CNKSR2: variants seen among roughly 807,000 people sequenced by gnomAD.
The protein encoded by CNKSR2 is connector enhancer of kinase suppressor of Ras 2.
CNKSR2 carries 14 observed loss-of-function variants against 84.4 expected under a neutral mutation model. That is an observed-to-expected ratio of 0.17 (90% CI 0.11 to 0.26). CNKSR2 has a LOEUF of 0.26. CNKSR2 is among the 10% of genes least tolerant of loss of function. The probability of loss-of-function intolerance (pLI) is 1.00; values close to 1 mark genes in which losing one functional copy is unlikely to be tolerated. For missense variants in CNKSR2, 485 were observed against 771.2 expected, an observed-to-expected ratio of 0.63 and a Z score of 4.40; for synonymous variants, 275 against 277.9, an observed-to-expected ratio of 0.99 and a Z score of 0.10.
At position 21,374,623 on chromosome X, in the gene CNKSR2, CAGCAGCA is replaced by C. The variant is rs1569131355; in HGVS notation, c.-274_-268del. 159 of 511,796 alleles carry C rather than the reference CAGCAGCA, an allele frequency of 3.1e-4. No individual in the cohort carries two copies. Among genetic ancestry groups the C allele is most frequent in the Middle Eastern group, 5.1e-4 (1 of 1,957 alleles). The allele number at this position is 511,796 out of a possible 1,213,427, so 42.2% of individuals were successfully genotyped here. On this transcript the variant is annotated 5_prime_UTR_variant, in exon 1 of 22. Transcript: ENST00000379510. ...GCAGCAGCAGCAGCAGCAGCAGCAG[CAGCAGCA>C]GCCGCCGCCGCCGCCGCCTTAGCGG...
intron 1 of CNKSR2, among the ~76,000 whole-genome samples, chrX:21,388,765 C>T (rs997926363): frequency 9.0e-6 from 1 of 111,340 alleles, no homozygotes; most frequent in African/African-American, 3.3e-5. Context: ...CTAACTCCCA[C>T]CACAAAGAGG....
Position 21,561,182 on chromosome X carries a change from T to TAA in CNKSR2, c.1304-272_1304-271dup, listed in dbSNP as rs61507460. 4.5e-3 allele frequency among the ~76,000 whole-genome samples: 412 copies of TAA among 92,439 alleles called. 1 individual carries two copies. The highest frequency in any genetic ancestry group is 0.016 in the Middle Eastern group (3 of 184). The allele number at this position is 92,439 out of a possible 115,157, so 80.3% of individuals were successfully genotyped here. A position where few individuals can be genotyped will look rare whatever the true frequency, so the allele number is the denominator to read the frequency against. ...AAATCACTTATATGATTATCTTCTT[T>TAA]AAAAAAAAAAAAAAAAAACTATACC... On this transcript the variant is annotated intron_variant, in intron 11 of 21. Transcript: ENST00000379510.
intron 2 of CNKSR2, chrX:21,428,695 G>A (rs189834648): frequency 8.2e-4 from 91 of 111,030 alleles, no homozygotes; most frequent in African/African-American, 2.9e-3. Flanking sequence ...CTTTTTATTA[G>A]GAACTGTAAA....
At chrX:21,642,141 A>G (rs2092693732) in intron 20 of CNKSR2, 1 of 746,281 alleles carries the variant, frequency 1.3e-6, no homozygotes, top group African/African-American at 2.3e-5. Flanking sequence ...ATTAAGTGTA[A>G]TCTATTAAGG....
chrX:21,589,272 A>T (rs932571708), intron 13 of CNKSR2, among the ~76,000 whole-genome samples: 1 of 112,390 alleles, frequency 8.9e-6, no homozygotes, highest in South Asian at 3.6e-4. Context: ...TACTATGTTC[A>T]TTAGACTTAT....
At chrX:21,623,738 A>G (rs1602047540) in intron 20 of CNKSR2, among the ~76,000 whole-genome samples, 1 of 112,197 alleles carries the variant, frequency 8.9e-6, no homozygotes, top group African/African-American at 3.2e-5. Context: ...CTAAATAAGT[A>G]TTAAATAAAA....
intron 13 of CNKSR2, among the ~76,000 whole-genome samples, chrX:21,572,909 A>G (rs1255094712): frequency 2.7e-5 from 3 of 111,700 alleles, no homozygotes; most frequent in African/African-American, 9.8e-5. Context: ...AACTCATTCC[A>G]GCATTAACTC....
chrX:21,631,341 A>G (rs1000370287), intron 20 of CNKSR2, among the ~76,000 whole-genome samples: 1 of 112,030 alleles, frequency 8.9e-6, no homozygotes, highest in Non-Finnish European at 1.9e-5. Flanking sequence ...TAAATAAATA[A>G]AATAATTCCC....
chrX:21,488,012 A>G (rs1266458151), intron 5 of CNKSR2, among the ~76,000 whole-genome samples: 4 of 112,381 alleles, frequency 3.6e-5, no homozygotes, highest in African/African-American at 1.3e-4. Flanking sequence ...TTTCAGGGGA[A>G]TGATCTTCCT....
At chrX:21,461,315 G>A (rs1382249347) in intron 4 of CNKSR2, among the ~76,000 whole-genome samples, 1 of 111,843 alleles carries the variant, frequency 8.9e-6, no homozygotes, top group Non-Finnish European at 1.9e-5. Context: ...ATGCCTGATG[G>A]CCATTTGTAT....
At chrX:21,641,738 C>A (rs2092692313) in intron 20 of CNKSR2, 2 of 1,050,334 alleles carry the variant, frequency 1.9e-6, no homozygotes, top group African/African-American at 3.8e-5. Flanking sequence ...AGAAAACAGA[C>A]TTGTAAAAAG....
chrX:21,582,265 A>G (rs1177783281), intron 13 of CNKSR2, among the ~76,000 whole-genome samples: 1 of 112,212 alleles, frequency 8.9e-6, no homozygotes, highest in African/African-American at 3.2e-5. Flanking sequence ...AAAGCATGAA[A>G]ATTAGAGATT....
chrX:21,610,422 G>A (rs778975748), intron 20 of CNKSR2, among the ~76,000 whole-genome samples: 1 of 112,403 alleles, frequency 8.9e-6, no homozygotes, highest in Non-Finnish European at 1.9e-5. Flanking sequence ...TGGTTTAAGG[G>A]AAAGGCTGTA....
intron 3 of CNKSR2, among the ~76,000 whole-genome samples, chrX:21,433,815 T>C (rs1464407883): frequency 9.0e-6 from 1 of 110,584 alleles, no homozygotes; most frequent in Admixed American, 9.8e-5. Context: ...TAATTTTATA[T>C]ATACTTATAC....
chrX:21,615,497 C>T (rs1440216750), intron 20 of CNKSR2, among the ~76,000 whole-genome samples: 1 of 111,534 alleles, frequency 9.0e-6, no homozygotes, highest in Non-Finnish European at 1.9e-5. Flanking sequence ...CTCTAGACCT[C>T]AATGTCTTCA....
At chrX:21,416,509 A>G (rs1230466256) in intron 1 of CNKSR2, among the ~76,000 whole-genome samples, 1 of 111,148 alleles carries the variant, frequency 9.0e-6, no homozygotes, top group Non-Finnish European at 1.9e-5. Flanking sequence ...TCAGATTGGT[A>G]TTAGTTCTCC....
At chrX:21,465,140 C>T (rs2091110560) in intron 4 of CNKSR2, among the ~76,000 whole-genome samples, 1 of 111,876 alleles carries the variant, frequency 8.9e-6, no homozygotes, top group Admixed American at 9.5e-5. Flanking sequence ...TTAGTTAATC[C>T]AGGATTATCA....
intron 20 of CNKSR2, among the ~76,000 whole-genome samples, chrX:21,625,663 A>C (rs959332413): frequency 4.0e-4 from 45 of 112,055 alleles, no homozygotes; most frequent in African/African-American, 1.3e-3. Context: ...CTATCATTTC[A>C]TATAAGGCCA....
intron 3 of CNKSR2, among the ~76,000 whole-genome samples, chrX:21,433,053 C>T (rs1304071462): frequency 9.0e-6 from 1 of 111,617 alleles, no homozygotes; most frequent in Non-Finnish European, 1.9e-5. Context: ...TACCTTGCTG[C>T]TTTATAAGCA....
Sources: allele counts gnomAD v4.1 joint callset (sites outside exome capture counted in the v4.1 genomes callset), GRCh38; gene constraint gnomAD v4.1.1; transcripts MANE v1.5; gene names NCBI Gene and HGNC (gene_info 2026-07-23, HGNC 2026-07-21).